The following AJAP1 variants were observed in gnomAD, a reference collection of about 807,000 sequenced individuals.
The protein encoded by AJAP1 is adherens junction-associated protein 1.
Under a neutral mutation model 35.0 loss-of-function variants are expected in AJAP1, and 5 were observed. The ratio of observed to expected loss-of-function variants is 0.14; its 90% CI spans 0.07 to 0.30. The LOEUF is 0.30. Among genes scored for constraint, AJAP1 ranks in the 10% least tolerant of loss-of-function variants. The pLI is 1.00. For synonymous variants in AJAP1, 284 were observed against 249.3 expected, an observed-to-expected ratio of 1.14 and a Z score of -1.31; for missense variants, 586 against 571.0, an observed-to-expected ratio of 1.03 and a Z score of -0.27.
rs370240159 is a variant in AJAP1, at chr1:4,720,765, T to C, written c.829+8066T>C. Among the ~76,000 whole-genome samples the C allele has an allele frequency of 1.3e-4, 20 of 152,298 alleles. No individual in the cohort carries two copies. The East Asian group carries it at 2.1e-3, about 16-fold the overall frequency. On this transcript the variant is annotated intron_variant, in intron 2 of 5. Coordinates refer to ENST00000378191, the MANE Select transcript of AJAP1 (RefSeq NM_018836.4). The surrounding 1 kb of genome is among the most constrained non-coding windows in gnomAD (Gnocchi z 4.4). ...TGTGGTGGGAAAATGCCATTTGCTT[T>C]CTGTGACCTTCAGTATCCTCTTTTG...
In AJAP1 at chr1:4,655,605, C is replaced by T. The variant is rs1638861056; in HGVS notation, c.29+151C>T. On this transcript the variant is annotated intron_variant, in intron 1 of 5. Transcript: ENST00000378191. The surrounding 1 kb of genome is among the most constrained non-coding windows in gnomAD (Gnocchi z 6.9). The stretch of plus-strand genomic sequence containing the variant: ...TGCACCGGTAGCCGGAAAGGGGCGC[C>T]CGCCCGGAGCCTGGAGCAGCACCGC... 11 of 952,512 alleles carry T rather than the reference C, an allele frequency of 1.2e-5. No homozygotes were observed. In the East Asian group the frequency reaches 3.5e-4, roughly 30 times the overall value. The allele number at this position is 952,512 out of a possible 1,614,324, so 59.0% of individuals were successfully genotyped here. A position where few individuals can be genotyped will look rare whatever the true frequency, so the allele number is the denominator to read the frequency against.
intron 2 of AJAP1, among the ~76,000 whole-genome samples, chr1:4,741,012 G>A (rs964999124): frequency 1.3e-5 from 2 of 152,070 alleles, no homozygotes; most frequent in Non-Finnish European, 2.9e-5. Flanking sequence ...GTCCGACTCT[G>A]CAACTACAAA....
At position 4,693,049 on chromosome 1, in the gene AJAP1, C is replaced by T. The variant is rs1163337599; in HGVS notation, c.30-18851C>T. Among the ~76,000 whole-genome samples the T allele has an allele frequency of 3.3e-5, 5 of 152,156 alleles. No individual in the cohort carries two copies. The highest frequency in any genetic ancestry group is 1.2e-4 in the African/African-American group (5 of 41,444). On this transcript the variant is annotated intron_variant, in intron 1 of 5. Transcript: ENST00000378191. The surrounding 1 kb of genome is among the most constrained non-coding windows in gnomAD (Gnocchi z 4.4). The stretch of plus-strand genomic sequence containing the variant: ...ATAAGAATTGAGCTTCATAAATGCC[C>T]ACCTCAGCTGTGCTTTACAGTTTCC...
chr1:4,706,380 A>T (rs1352750437), intron 1 of AJAP1, among the ~76,000 whole-genome samples: 1 of 152,240 alleles, frequency 6.6e-6, no homozygotes, highest in Non-Finnish European at 1.5e-5. Flanking sequence ...TGAATGACAG[A>T]AAAACTGGGG....
At chr1:4,687,645 C>A (rs190700636) in intron 1 of AJAP1, among the ~76,000 whole-genome samples, 8 of 152,262 alleles carry the variant, frequency 5.3e-5, no homozygotes, top group African/African-American at 1.7e-4. Flanking sequence ...TGTGATGACT[C>A]GAGCCACAGC....
Position 4,769,948 on chromosome 1 carries a change from T to A in AJAP1, c.917+8T>A, listed in dbSNP as rs541618931. 6.2e-7 allele frequency: 1 copy of A among 1,609,622 alleles called. No individual in the cohort carries two copies. Among genetic ancestry groups the A allele is most frequent in the African/African-American group, 1.3e-5 (1 of 74,952 alleles). ...TCTTGTCTTAAAAAATTGGTAAGGC[T>A]CCTTGGGCCCTTCTGGCCCAGAAAT... On this transcript the variant is annotated splice_region_variant and intron_variant, in intron 3 of 5. Coordinates refer to ENST00000378191, the MANE Select transcript of AJAP1 (RefSeq NM_018836.4).
intron 2 of AJAP1, among the ~76,000 whole-genome samples, chr1:4,713,490 C>T (rs1342579004): frequency 6.6e-6 from 1 of 152,234 alleles, no homozygotes; most frequent in Non-Finnish European, 1.5e-5. Flanking sequence ...TATACGCTGT[C>T]CTCCATTTGC....
rs1352091681 is a variant in AJAP1, at chr1:4,734,342, A to T, written c.829+21643A>T. On this transcript the variant is annotated intron_variant, in intron 2 of 5. Coordinates refer to ENST00000378191, the MANE Select transcript of AJAP1 (RefSeq NM_018836.4). The surrounding 1 kb of genome is among the most constrained non-coding windows in gnomAD (Gnocchi z 4.3). Reference sequence around the variant, plus strand: ...TGACAGCTGACTTGAATTAAATCTCATAAGGCCCACAGGACACACGTCCTG... The same window carrying T: ...TGACAGCTGACTTGAATTAAATCTCTTAAGGCCCACAGGACACACGTCCTG... Among the ~76,000 whole-genome samples the T allele has an allele frequency of 1.3e-5, 2 of 152,144 alleles. No homozygotes were observed. Among genetic ancestry groups the T allele is most frequent in the Non-Finnish European group, 2.9e-5 (2 of 68,026 alleles).
At chr1:4,775,191 A>G (rs1641918457) in intron 5 of AJAP1, among the ~76,000 whole-genome samples, 1 of 152,140 alleles carries the variant, frequency 6.6e-6, no homozygotes, top group South Asian at 2.1e-4. Context: ...ATTAACTTTA[A>G]TGCTAACGTT....
At chr1:4,747,551 C>T (rs1274799561) in intron 2 of AJAP1, among the ~76,000 whole-genome samples, 1 of 152,174 alleles carries the variant, frequency 6.6e-6, no homozygotes. Flanking sequence ...TCCCACTTGT[C>T]CCTCTTGGGC....
At chr1:4,685,663 A>AG (rs59275910) in intron 1 of AJAP1, among the ~76,000 whole-genome samples, 152,339 of 152,340 alleles carry the variant, frequency 1, 76,169 homozygotes, top group Non-Finnish European at 1. Context: ...ACCCTGCCCC[A>AG]GCGAAGGAGA....
intron 2 of AJAP1, among the ~76,000 whole-genome samples, chr1:4,713,077 A>T (rs1640303147): frequency 6.6e-6 from 1 of 152,084 alleles, no homozygotes; most frequent in Admixed American, 6.5e-5. Context: ...CCCTTGAGCA[A>T]GATGCTTGCC....
intron 2 of AJAP1, among the ~76,000 whole-genome samples, chr1:4,746,029 A>G (rs886795793): frequency 4.6e-5 from 7 of 152,162 alleles, no homozygotes; most frequent in African/African-American, 1.4e-4. Flanking sequence ...AGTTTCGCAC[A>G]TGGGTGATTT....
At chr1:4,666,703 AGGGGTGCGGAGAGGGGCCTGTGAATCACG>A (rs1479299871) in intron 1 of AJAP1, among the ~76,000 whole-genome samples, 1 of 47,912 alleles carries the variant, frequency 2.1e-5, no homozygotes, top group African/African-American at 1.0e-4. Flanking sequence ...GAATCGCGGG[AGGGGTGCGGAGAGGGGCCTGTGAATCACG>A]GGAGGGGTGC....
At position 4,655,597 on chromosome 1, in the gene AJAP1, A is replaced by G. The variant is rs564016935; in HGVS notation, c.29+143A>G. The G allele has an allele frequency of 1.1e-3, 1,128 of 1,039,958 alleles. 7 individuals are homozygous for G. In the African/African-American group the frequency reaches 0.017, roughly 16 times the overall value. 64.4% of individuals were successfully genotyped at this position (1,039,958 alleles called of 1,614,324 possible). ...CAACGGGGTGCACCGGTAGCCGGAA[A>G]GGGGCGCCCGCCCGGAGCCTGGAGC... On this transcript the variant is annotated intron_variant, in intron 1 of 5. Coordinates refer to ENST00000378191, the MANE Select transcript of AJAP1 (RefSeq NM_018836.4). This position sits in a 1 kb window ranked among gnomAD's most constrained non-coding sequence, Gnocchi z 6.9.
intron 2 of AJAP1, among the ~76,000 whole-genome samples, chr1:4,732,116 T>G (rs1163531900): frequency 6.6e-6 from 1 of 152,206 alleles, no homozygotes; most frequent in Non-Finnish European, 1.5e-5. Context: ...TTTCCTTAGG[T>G]CTCTGAATGT....
At chr1:4,715,277 A>G (rs966741764) in intron 2 of AJAP1, among the ~76,000 whole-genome samples, 2 of 152,262 alleles carry the variant, frequency 1.3e-5, no homozygotes, top group East Asian at 1.9e-4. Context: ...GTTAGTTAGC[A>G]GGTGCCTTGA....
chr1:4,672,510 TG>T (rs1244692186), intron 1 of AJAP1, among the ~76,000 whole-genome samples: 1 of 152,180 alleles, frequency 6.6e-6, no homozygotes, highest in East Asian at 1.9e-4. Context: ...AGGACCACAC[TG>T]TCTGGCATAA....
chr1:4,745,746 T>A (rs1005392428), intron 2 of AJAP1, among the ~76,000 whole-genome samples: 4 of 152,010 alleles, frequency 2.6e-5, no homozygotes, highest in African/African-American at 9.6e-5. Flanking sequence ...GTGGGTGGAG[T>A]CAAAGGAGGC....
Sources: gnomAD v4.1 joint callset for allele counts (sites outside exome capture counted in the v4.1 genomes callset) on GRCh38, gnomAD v4.1.1 for gene constraint, Gnocchi (gnomAD v3.1) non-coding constraint, MANE v1.5 for transcripts, NCBI Gene and HGNC (gene_info 2026-07-23, HGNC 2026-07-21) for gene names.